Variants in CTNNA2 observed in about 807,000 individuals in gnomAD.
CTNNA2 encodes catenin alpha 2, also known as catenin alpha-2.
Under a neutral mutation model 101.0 loss-of-function variants are expected in CTNNA2, and 42 were observed. The ratio of observed to expected loss-of-function variants is 0.42; its 90% CI spans 0.32 to 0.54. The LOEUF is 0.54. CTNNA2 is among the 20% of genes least tolerant of loss of function. The pLI is 0.14. For synonymous variants in CTNNA2, 450 were observed against 456.4 expected (o/e 0.99, Z 0.18); for missense variants, 871 against 1,223.1 (o/e 0.71, Z 4.29).
intron 3 of CTNNA2, among the ~76,000 whole-genome samples, chr2:79,770,895 A>G (rs1353692468): frequency 3.3e-5 from 5 of 152,218 alleles, no homozygotes; most frequent in African/African-American, 1.2e-4. Context: ...CTTGTATAGC[A>G]TCTAGCTTTC....
chr2:80,403,252 G>A (rs925098441), intron 8 of CTNNA2, among the ~76,000 whole-genome samples: 2 of 152,124 alleles, frequency 1.3e-5, no homozygotes, highest in African/African-American at 4.8e-5. Context: ...AGTCCTGGCT[G>A]TGCTCCAGAG....
At position 80,302,330 on chromosome 2, in the gene CTNNA2, A is replaced by C; in HGVS notation, c.1057-90881A>C. 6.2e-7 allele frequency: 1 copy of C among 1,614,202 alleles called. No individual in the cohort carries two copies. Among genetic ancestry groups the C allele is most frequent in the Non-Finnish European group, 8.5e-7 (1 of 1,180,020 alleles). On this transcript the variant is annotated intron_variant, in intron 7 of 18. Coordinates refer to ENST00000402739, the MANE Select transcript of CTNNA2 (RefSeq NM_001282597.3). This position sits in a 1 kb window ranked among gnomAD's most constrained non-coding sequence, Gnocchi z 6.4. ...GTTGATGATCACCAGGGCTCCCTCA[A>C]TGTGGTTCGGTTTGTAATCAACGTA...
At chr2:80,053,576 C>G (rs1412025713) in intron 7 of CTNNA2, among the ~76,000 whole-genome samples, 1 of 152,154 alleles carries the variant, frequency 6.6e-6, no homozygotes, top group Non-Finnish European at 1.5e-5. Flanking sequence ...CTGCCTCTTT[C>G]AAACTGTCAA....
At chr2:79,416,141 C>T (rs1678477521) in intron 4 of CTNNA2, among the ~76,000 whole-genome samples, 1 of 151,940 alleles carries the variant, frequency 6.6e-6, no homozygotes, top group Non-Finnish European at 1.5e-5. Context: ...AATAAGACAC[C>T]TTCCTCAATG....
chr2:80,278,819 T>A (rs1004962525), intron 7 of CTNNA2, among the ~76,000 whole-genome samples: 6 of 151,802 alleles, frequency 4.0e-5, no homozygotes, highest in African/African-American at 1.2e-4. Context: ...ATTAAAAAAA[T>A]ATATATATAT....
At chr2:80,317,139 C>G (rs1045133772) in intron 7 of CTNNA2, among the ~76,000 whole-genome samples, 1 of 152,082 alleles carries the variant, frequency 6.6e-6, no homozygotes, top group Non-Finnish European at 1.5e-5. Flanking sequence ...TGTAAAATGG[C>G]TAGTGTGCTC....
At chr2:79,459,712 T>C (rs1020163953) in intron 4 of CTNNA2, among the ~76,000 whole-genome samples, 1 of 152,190 alleles carries the variant, frequency 6.6e-6, no homozygotes, top group African/African-American at 2.4e-5. Context: ...GAAGAAAATT[T>C]ACTGATTGTT....
rs552405931 is a variant in CTNNA2 at position 80,026,245 on chromosome 2, C to T, written c.1056+116448C>T. Among the ~76,000 whole-genome samples the T allele has an allele frequency of 3.9e-5, 6 of 152,106 alleles. No homozygotes were observed. In the East Asian group the frequency reaches 5.8e-4, roughly 15 times the overall value. ...TGATTTTGCAGAAAAACAGAGAGGC[C>T]GGTATGACTGGACAGTCTGAGTAAA... On this transcript the variant is annotated intron_variant, in intron 7 of 18. Coordinates refer to ENST00000402739, the MANE Select transcript of CTNNA2 (RefSeq NM_001282597.3).
At chr2:80,030,624 A>G (rs1336931560) in intron 7 of CTNNA2, 1 of 152,226 alleles carries the variant, frequency 6.6e-6, no homozygotes, top group South Asian at 2.1e-4. Flanking sequence ...TAATTAAACA[A>G]TAAACAAAAT....
chr2:80,124,048 G>A (rs994889035), intron 7 of CTNNA2, among the ~76,000 whole-genome samples: 1 of 152,164 alleles, frequency 6.6e-6, no homozygotes, highest in Non-Finnish European at 1.5e-5. Context: ...AAGCAGGGTT[G>A]CTGCTGTTCA....
chr2:80,055,237 C>T (rs1697143835), intron 7 of CTNNA2, among the ~76,000 whole-genome samples: 1 of 152,090 alleles, frequency 6.6e-6, no homozygotes, highest in Admixed American at 6.6e-5. Flanking sequence ...CTATGTTGTC[C>T]AGGCTGGCCT....
intron 7 of CTNNA2, among the ~76,000 whole-genome samples, chr2:80,264,209 A>G: frequency 6.6e-6 from 1 of 152,190 alleles, no homozygotes; most frequent in African/African-American, 2.4e-5. Context: ...TGCCACAACG[A>G]TTTATTTTCT....
intron 7 of CTNNA2, among the ~76,000 whole-genome samples, chr2:80,293,855 G>A (rs7608852): frequency 0.082 from 12,501 of 152,100 alleles, 1,146 homozygotes; most frequent in African/African-American, 0.23. Context: ...GTTGTCTCTT[G>A]GGTGTCGTGG....
chr2:79,372,038 C>T (rs1214260058), intron 3 of CTNNA2, among the ~76,000 whole-genome samples: 2 of 152,138 alleles, frequency 1.3e-5, no homozygotes, highest in Non-Finnish European at 2.9e-5. Flanking sequence ...TTTTGAATCC[C>T]ATGGGAAGCT....
intron 3 of CTNNA2, among the ~76,000 whole-genome samples, chr2:79,829,665 TTC>T (rs1678756016): frequency 6.6e-6 from 1 of 151,912 alleles, no homozygotes; most frequent in Non-Finnish European, 1.5e-5. Flanking sequence ...GGAGTGCGTA[TTC>T]CTCGTAGGGA....
At chr2:79,938,847 T>C (rs1687959833) in intron 7 of CTNNA2, among the ~76,000 whole-genome samples, 1 of 152,190 alleles carries the variant, frequency 6.6e-6, no homozygotes, top group South Asian at 2.1e-4. Context: ...AATTGGGTTT[T>C]AAAGCTAAGA....
chr2:79,303,804 T>G (rs1296903471), intron 2 of CTNNA2, among the ~76,000 whole-genome samples: 1 of 151,350 alleles, frequency 6.6e-6, no homozygotes, highest in East Asian at 2.0e-4. Flanking sequence ...CAATGGGAAG[T>G]GGGGGCTGAG....
At chr2:79,444,518 G>C (rs1369666666) in intron 4 of CTNNA2, among the ~76,000 whole-genome samples, 1 of 152,070 alleles carries the variant, frequency 6.6e-6, no homozygotes. Context: ...AATCACTCTA[G>C]GTGCCAGTGG....
In CTNNA2 at chr2:79,928,252, A is replaced by C. The variant is rs1431515444; in HGVS notation, c.1056+18455A>C. Among the ~76,000 whole-genome samples, 5 of 152,276 alleles carry C rather than the reference A, an allele frequency of 3.3e-5. No homozygotes were observed. In the East Asian group the frequency reaches 9.7e-4, roughly 29 times the overall value. ...TTTAGGTTGTTCTCTGTCCTATGGC[A>C]GCTGTGGTTTTAATTGTCATGCACT... On this transcript the variant is annotated intron_variant, in intron 7 of 18. Transcript: ENST00000402739.
Sources: gnomAD v4.1 joint callset for allele counts (sites outside exome capture counted in the v4.1 genomes callset) on GRCh38, gnomAD v4.1.1 for gene constraint, Gnocchi (gnomAD v3.1) non-coding constraint, MANE v1.5 for transcripts, NCBI Gene and HGNC (gene_info 2026-07-23, HGNC 2026-07-21) for gene names.